The following PKP4 variants were observed in gnomAD, a reference collection of about 807,000 sequenced individuals.
The protein encoded by PKP4 is plakophilin 4.
PKP4 carries 90 observed loss-of-function variants against 145.1 expected under a neutral mutation model. That is an observed-to-expected ratio of 0.62 (90% confidence interval 0.52 to 0.74). PKP4 has a LOEUF of 0.74. Ranked by LOEUF, PKP4 falls within the 30% of genes least tolerant of loss-of-function variation. The probability of loss-of-function intolerance (pLI) is 0.00; values close to 1 mark genes in which losing one functional copy is unlikely to be tolerated. For synonymous variants in PKP4, 563 were observed against 577.2 expected, an observed-to-expected ratio of 0.98 and a Z score of 0.35; for missense variants, 1,340 against 1,482.7, an observed-to-expected ratio of 0.90 and a Z score of 1.58.
At chr2:158,666,182 G>A (rs2057065151) in intron 15 of PKP4, 1 of 316,592 alleles carries the variant, frequency 3.2e-6, no homozygotes, top group Non-Finnish European at 5.8e-6. Flanking sequence ...TCTGGCAGAT[G>A]GTGGTTTGAG....
At position 158,485,341 on chromosome 2, in the gene PKP4, C is replaced by A. The variant is rs115075929; in HGVS notation, c.-6+28123C>A. Among the ~76,000 whole-genome samples the A allele has an allele frequency of 4.6e-3, 704 of 152,254 alleles. 1 individual carries two copies. The highest frequency in any genetic ancestry group is 6.5e-3 in the Non-Finnish European group (444 of 68,014). ...TTTTACAGACGAAAACACGGAAACA[C>A]GTAACAGTTAAGTCATTCAGAAGTA... On this transcript the variant is annotated intron_variant, in intron 1 of 21. Transcript: ENST00000389759.
intron 1 of PKP4, among the ~76,000 whole-genome samples, chr2:158,482,683 C>G (rs7570914): frequency 6.6e-6 from 1 of 152,046 alleles, no homozygotes; most frequent in Non-Finnish European, 1.5e-5. Flanking sequence ...AAAAAATAAG[C>G]AAATTAACTG....
At chr2:158,540,107 G>A (rs1054187642) in intron 2 of PKP4, among the ~76,000 whole-genome samples, 8 of 152,176 alleles carry the variant, frequency 5.3e-5, no homozygotes, top group East Asian at 1.9e-4. Flanking sequence ...TACATTTTCC[G>A]ATAGTCTGAT....
At chr2:158,510,861 G>A (rs1304270844) in intron 1 of PKP4, among the ~76,000 whole-genome samples, 1 of 152,216 alleles carries the variant, frequency 6.6e-6, no homozygotes, top group Non-Finnish European at 1.5e-5. Flanking sequence ...GATGCAGAGG[G>A]ACCCCTTCCA....
intron 1 of PKP4, among the ~76,000 whole-genome samples, chr2:158,467,112 C>T (rs1479539538): frequency 6.6e-6 from 1 of 152,124 alleles, no homozygotes; most frequent in Non-Finnish European, 1.5e-5. Context: ...TTTGTTTGGT[C>T]TTAATATAGT....
chr2:158,502,597 C>G (rs539083341), intron 1 of PKP4, among the ~76,000 whole-genome samples: 3 of 152,320 alleles, frequency 2.0e-5, no homozygotes, highest in East Asian at 1.9e-4. Flanking sequence ...GCAGTCACTT[C>G]TAGTTGAAAT....
rs1030148429 is a variant in PKP4 at position 158,625,334 on chromosome 2, C to T, written c.1060C>T (p.Leu354=). ...TAVPQHLGPS[L]QRTVHDMEQF... ...CGTACCACAGCATCTGGGACCTTCA[C>T]TGCAAAGGACTGTTCATGACATGGA... is the stretch of plus-strand genomic sequence containing the variant. The change falls in exon 7 of 22, where the codon CTG becomes TTG. Residue 354 remains leucine (L), a synonymous_variant. Coordinates refer to ENST00000389759, the MANE Select transcript of PKP4 (RefSeq NM_003628.6). The T allele has an allele frequency of 5.0e-6, 8 of 1,614,220 alleles. No individual in the cohort carries two copies. Among genetic ancestry groups the T allele is most frequent in the Non-Finnish European group, 6.8e-6 (8 of 1,180,036 alleles).
chr2:158,629,603 A>G (rs764448011), intron 7 of PKP4, among the ~76,000 whole-genome samples: 3 of 152,182 alleles, frequency 2.0e-5, no homozygotes, highest in African/African-American at 4.8e-5. Context: ...AGCTTTATGC[A>G]TGTGTTAACT....
chr2:158,545,099 T>TTTTG (rs58175323), intron 2 of PKP4, among the ~76,000 whole-genome samples: 2 of 123,458 alleles, frequency 1.6e-5, no homozygotes, highest in South Asian at 2.3e-4. Context: ...TTTTTTTTTT[T>TTTTG]GAGCCACTGG....
chr2:158,467,317 CA>C (rs1172729637), intron 1 of PKP4, among the ~76,000 whole-genome samples: 19 of 152,168 alleles, frequency 1.2e-4, no homozygotes, highest in Non-Finnish European at 2.5e-4. Flanking sequence ...ACATTTCCAT[CA>C]CCACAACGCT....
rs2711040 is a variant in PKP4 at position 158,678,377 on chromosome 2, C to T, written c.3257-204C>T. ...CAGCCTGTTTCTGCCATAGTTTTGC[C>T]ATTAGCCCCCACCAGCCCTGAGGTA... is the stretch of plus-strand genomic sequence containing the variant. On this transcript the variant is annotated intron_variant, in intron 20 of 21. Coordinates refer to ENST00000389759, the MANE Select transcript of PKP4 (RefSeq NM_003628.6). Among the ~76,000 whole-genome samples the T allele has an allele frequency of 0.68, 103,974 of 152,086 alleles. 36,253 individuals are homozygous for T. The highest frequency in any genetic ancestry group is 0.83 in the East Asian group (4,281 of 5,152).
At chr2:158,666,789 G>A in intron 16 of PKP4, 2 of 388,910 alleles carry the variant, frequency 5.1e-6, no homozygotes, top group Non-Finnish European at 9.1e-6. Context: ...TTTCAGAAAG[G>A]CCAGCAATTT....
At chr2:158,656,729 C>T (rs2055974744) in intron 11 of PKP4, among the ~76,000 whole-genome samples, 1 of 152,186 alleles carries the variant, frequency 6.6e-6, no homozygotes, top group African/African-American at 2.4e-5. Context: ...CATGGACAGG[C>T]CTGGGAAGGG....
chr2:158,478,224 G>T (rs1028974380), intron 1 of PKP4, among the ~76,000 whole-genome samples: 10 of 146,384 alleles, frequency 6.8e-5, no homozygotes, highest in African/African-American at 2.0e-4. Flanking sequence ...TTTTTTTTTT[G>T]ATTAGGGAAG....
At chr2:158,674,049 C>A (rs779975892) in intron 19 of PKP4, 49 bp downstream of exon 19, 1 of 987,848 alleles carries the variant, frequency 1.0e-6, no homozygotes, top group Non-Finnish European at 1.6e-6. Flanking sequence ...TGTGACAGAA[C>A]ATTGTTCCCC....
At chr2:158,513,626 G>C (rs1324426762) in intron 1 of PKP4, among the ~76,000 whole-genome samples, 9 of 152,080 alleles carry the variant, frequency 5.9e-5, no homozygotes, top group Non-Finnish European at 1.3e-4. Flanking sequence ...GTACTCCTAA[G>C]TTGACACCAT....
At chr2:158,651,493 G>A (rs912976090) in intron 11 of PKP4, among the ~76,000 whole-genome samples, 1 of 151,918 alleles carries the variant, frequency 6.6e-6, no homozygotes, top group Admixed American at 6.6e-5. Flanking sequence ...CCACCTGCCT[G>A]TCCAAATCAG....
chr2:158,481,177 G>C (rs1406087433), intron 1 of PKP4, among the ~76,000 whole-genome samples: 1 of 152,104 alleles, frequency 6.6e-6, no homozygotes, highest in African/African-American at 2.4e-5. Flanking sequence ...TCCCACCTCA[G>C]CCTTCCAAAG....
chr2:158,623,683 C>A (rs3771650), intron 6 of PKP4, among the ~76,000 whole-genome samples: 17,677 of 152,174 alleles, frequency 0.12, 1,325 homozygotes, highest in Non-Finnish European at 0.16. Context: ...GGAGGCAGAG[C>A]AGACATCCTC....
Sources: gnomAD v4.1 joint callset for allele counts (sites outside exome capture counted in the v4.1 genomes callset) on GRCh38, gnomAD v4.1.1 for gene constraint, MANE v1.5 for transcripts, NCBI Gene and HGNC (gene_info 2026-07-23, HGNC 2026-07-21) for gene names.